PLOD3: variants seen among roughly 807,000 people sequenced by gnomAD.
PLOD3 encodes procollagen-lysine,2-oxoglutarate 5-dioxygenase 3, also known as multifunctional procollagen lysine hydroxylase and glycosyltransferase LH3.
In PLOD3, 73 loss-of-function variants were observed where a neutral mutation model predicts 96.9. That is an observed-to-expected ratio of 0.75 (90% confidence interval 0.62 to 0.92). The LOEUF (loss-of-function observed/expected upper bound fraction) is 0.92. Among genes scored for constraint, PLOD3 ranks in the 40% least tolerant of loss-of-function variants. PLOD3 has a pLI of 0.00. For synonymous variants in PLOD3, 454 were observed against 413.7 expected (o/e 1.10, Z -1.18); for missense variants, 1,004 against 1,004.3 (o/e 1.00, Z 0.00).
chr7:101,208,680 G>A (rs893665539), intron 16 of PLOD3, 173 bp downstream of exon 16: 5 of 639,200 alleles, frequency 7.8e-6, no homozygotes, highest in Non-Finnish European at 2.9e-6. Flanking sequence ...GAGCCACTGT[G>A]CCCAGCAGTA....
intron 10 of PLOD3, 144 bp downstream of exon 10, chr7:101,212,109 G>A: frequency 1.7e-6 from 2 of 1,181,156 alleles, no homozygotes; most frequent in Non-Finnish European, 2.5e-6. Flanking sequence ...AGGAGTGACA[G>A]CATGGGGGCT....
chr7:101,207,768 C>T (rs759729003), intron 16 of PLOD3, 44 bp from the exon 17 acceptor site: 78 of 1,610,404 alleles, frequency 4.8e-5, no homozygotes, highest in Admixed American at 1.3e-4. Flanking sequence ...CCAGCCATGG[C>T]GCTCCCCACC....
Position 101,212,599 on chromosome 7 carries a change from G to C in PLOD3, c.936C>G (p.Pro312=). 6.2e-7 allele frequency: 1 copy of C among 1,613,926 alleles called. No individual in the cohort carries two copies. The highest frequency in any genetic ancestry group is 8.5e-7 in the Non-Finnish European group (1 of 1,179,902). Residue 312 remains proline, a synonymous_variant, in exon 9 of 19, where the codon CCC becomes CCG. Coordinates refer to ENST00000223127, the MANE Select transcript of PLOD3 (RefSeq NM_001084.5). The stretch of plus-strand genomic sequence containing the variant: ...GGAGTAGCAGCCGCTGCAGGAAGCG[G>C]GGCAGAAACGGAGTAGGCTGTTCCA... ...VFVEQPTPFL[P]RFLQRLLLLD...
In PLOD3 at chr7:101,212,542, G is replaced by A. The variant is rs1546841; in HGVS notation, c.993C>T (p.Phe331=). The A allele has an allele frequency of 8.3e-3, 13,460 of 1,613,840 alleles. 222 individuals carry two copies. Among genetic ancestry groups the A allele is most frequent in the East Asian group, 0.079 (3,530 of 44,846 alleles). The change falls in exon 9 of 19, where the codon TTC becomes TTT. Residue 331 remains phenylalanine, a synonymous_variant. Coordinates refer to ENST00000223127, the MANE Select transcript of PLOD3 (RefSeq NM_001084.5). ...LDYPPDRVTL[F]LHNNEVFHEP... ...AGGGGAGTCTCACGTTGTTGTGCAG[G>A]AAAAGGGTGACCCTGTCGGGGGGAT...
In PLOD3 at chr7:101,213,183, T is replaced by C. The variant is rs751428470; in HGVS notation, c.701A>G (p.Asp234Gly). The change falls in exon 7 of 19, where the codon GAT becomes GGT. Residue 234 changes from aspartate to glycine, a missense_variant. Physicochemically the swap from Asp to Gly is moderately conservative, Grantham distance 94 (BLOSUM62 -1). Around this residue, in one of 5 missense-constraint regions of PLOD3, gnomAD observed 690 missense variants for 650.2 expected, o/e 1.06. Transcript: ENST00000223127. Reference protein sequence around the residue: ...GALDEVVLKFDRNRVRIRNVA... With the variant: ...GALDEVVLKFGRNRVRIRNVA... The stretch of plus-strand genomic sequence containing the variant: ...GTTCCGGATACGCACACGGTTCCGA[T>C]CAAACTTTAAAACCACTTCATCTGG... 8 of 1,613,298 alleles carry C rather than the reference T, an allele frequency of 5.0e-6. No homozygotes were observed. Among genetic ancestry groups the C allele is most frequent in the Non-Finnish European group, 4.2e-6 (5 of 1,179,482 alleles).
Position 101,212,673 on chromosome 7 carries a change from C to T in PLOD3, c.880-18G>A. ...GGGGGAGGCTGGAAGATGCAACACG[C>T]AGGGACTCAGAGAGAAGCCCGGACT... On this transcript the variant is annotated intron_variant, in intron 8 of 18. Transcript: ENST00000223127. The T allele has an allele frequency of 1.2e-6, 2 of 1,613,332 alleles. No homozygotes were observed. The highest frequency in any genetic ancestry group is 1.7e-5 in the Admixed American group (1 of 59,968).
chr7:101,213,007 C>T, intron 7 of PLOD3, 64 bp from the exon 8 acceptor site: 1 of 1,423,170 alleles, frequency 7.0e-7, no homozygotes, highest in Middle Eastern at 1.8e-4. Flanking sequence ...GGGTCAGGCA[C>T]CTCTGATATG....
chr7:101,210,661 A>G lies in PLOD3; in HGVS notation c.1371T>C (p.Asn457=). 1.2e-6 allele frequency: 2 copies of G among 1,614,016 alleles called. No homozygotes were observed. Among genetic ancestry groups the G allele is most frequent in the Non-Finnish European group, 1.7e-6 (2 of 1,180,022 alleles). The change falls in exon 13 of 19, where the codon AAT becomes AAC. Residue 457 remains asparagine, a synonymous_variant. Coordinates refer to ENST00000223127, the MANE Select transcript of PLOD3 (RefSeq NM_001084.5). ...CATAGGCCTGGGAGATGTATGGTAC[A>G]TTCCACACACCCCTGGAGGCACCGA... ...LVQRKRVGVW[N]VPYISQAYVI...
chr7:101,208,561 ATT>A (rs1456192724), intron 16 of PLOD3: 2 of 384,094 alleles, frequency 5.2e-6, no homozygotes, highest in Non-Finnish European at 1.0e-5. Flanking sequence ...TAATTTTTAA[ATT>A]TTTTGTAGAG....
At chr7:101,213,752 G>A (rs546856948) in intron 6 of PLOD3, among the ~76,000 whole-genome samples, 1 of 152,228 alleles carries the variant, frequency 6.6e-6, no homozygotes, top group African/African-American at 2.4e-5. Flanking sequence ...AGGCTGGAGT[G>A]CAGTGGCACG....
chr7:101,210,174 G>C lies in PLOD3; in HGVS notation c.1615-13C>G. The C allele has an allele frequency of 6.3e-7, 1 of 1,595,168 alleles. No homozygotes were observed. The highest frequency in any genetic ancestry group is 8.6e-7 in the Non-Finnish European group (1 of 1,168,092). Reference sequence around the variant, plus strand: ...GCTCCTTCCAGTCCTGTGAGAGGGTGGGGGGCACATCAGATCTGTGCCCCC... The same window carrying C: ...GCTCCTTCCAGTCCTGTGAGAGGGTCGGGGGCACATCAGATCTGTGCCCCC... On this transcript the variant is annotated splice_polypyrimidine_tract_variant and intron_variant, in intron 14 of 18. Transcript: ENST00000223127.
Position 101,208,865 on chromosome 7 carries a change from G to A in PLOD3, c.1776C>T (p.Gly592=), listed in dbSNP as rs145632943. 2.5e-4 allele frequency: 401 copies of A among 1,611,442 alleles called. 2 individuals are homozygous for A. Among genetic ancestry groups the A allele is most frequent in the African/African-American group, 4.4e-4 (33 of 74,978 alleles). Residue 592 remains glycine (G), a synonymous_variant, in exon 16 of 19, where the codon GGC becomes GGT. Transcript: ENST00000223127. ...AEMEHYGQWS[G]GRHEDSRLAG... Reference sequence around the variant, plus strand: ...CCCAGGCCCTTACCTCATGCCGGCCGCCTGACCACTGGCCGTAGTGCTCCA... The same window carrying A: ...CCCAGGCCCTTACCTCATGCCGGCCACCTGACCACTGGCCGTAGTGCTCCA...
chr7:101,215,285 C>T (rs1798250183), intron 5 of PLOD3, 133 bp from the exon 6 acceptor site: 1 of 754,098 alleles, frequency 1.3e-6, no homozygotes. Context: ...ACGATCTCAG[C>T]TCACTGCAAC....
At position 101,210,161 on chromosome 7, in the gene PLOD3, C is replaced by A. The variant is rs569925996; in HGVS notation, c.1615G>T (p.Asp539Tyr). 6.2e-6 allele frequency: 10 copies of A among 1,605,702 alleles called. No individual in the cohort carries two copies. Among genetic ancestry groups the A allele is most frequent in the Non-Finnish European group, 8.5e-6 (10 of 1,175,856 alleles). ...DLWQIFDNPV[D>Y]WKEQYIHENY... ...TCGTGGATGTACTGCTCCTTCCAGTCCTGTGAGAGGGTGGGGGGCACATCA... is the reference window on the plus strand; with the variant it reads ...TCGTGGATGTACTGCTCCTTCCAGTACTGTGAGAGGGTGGGGGGCACATCA... The change falls in exon 15 of 19, where the codon GAC becomes TAC. Residue 539 changes from aspartate (D) to tyrosine (Y), a missense_variant and splice_region_variant. By Grantham distance (160) the Asp-to-Tyr change is radical. Around this residue, in one of 5 missense-constraint regions of PLOD3, gnomAD observed 65 missense variants for 68.8 expected, o/e 0.94. Transcript: ENST00000223127.
At chr7:101,213,494 C>A in intron 6 of PLOD3, 1 of 439,362 alleles carries the variant, frequency 2.3e-6, no homozygotes, top group Non-Finnish European at 4.1e-6. Context: ...TCCTCATATT[C>A]TCTCTCTCCT....
At chr7:101,216,136 C>A (rs540193921) in intron 4 of PLOD3, 27 bp downstream of exon 4, 142 of 1,614,024 alleles carry the variant, frequency 8.8e-5, no homozygotes, top group Admixed American at 1.8e-4. Flanking sequence ...CTCTTGGCCC[C>A]TCTGCCTTGG....
intron 10 of PLOD3, 87 bp from the exon 11 acceptor site, chr7:101,212,037 G>T: frequency 1.9e-6 from 2 of 1,053,662 alleles, no homozygotes; most frequent in Non-Finnish European, 2.8e-6. Flanking sequence ...GAGAAGAGGA[G>T]GGAGGCAGTG....
chr7:101,208,592 G>T, intron 16 of PLOD3: 1 of 458,976 alleles, frequency 2.2e-6, no homozygotes, highest in Admixed American at 2.8e-5. Context: ...TCGCTATGTT[G>T]CCCAGGCTGG....
At chr7:101,210,904 G>C (rs570824152) in intron 12 of PLOD3, 32 of 536,892 alleles carry the variant, frequency 6.0e-5, no homozygotes, top group African/African-American at 5.5e-4. Flanking sequence ...TTTTTGAGAC[G>C]GAGTCTTGCT....
Sources: gnomAD v4.1 joint callset for allele counts (sites outside exome capture counted in the v4.1 genomes callset) on GRCh38, gnomAD v4.1.1 for gene constraint, gnomAD v4.1.1 regional missense constraint, MANE v1.5 for transcripts, NCBI Gene and HGNC (gene_info 2026-07-23, HGNC 2026-07-21) for gene names.